PRKAG2: variants seen among roughly 807,000 people sequenced by gnomAD.
The protein encoded by PRKAG2 is protein kinase AMP-activated non-catalytic subunit gamma 2, also known as 5'-AMP-activated protein kinase subunit gamma-2.
A neutral mutation model predicts 69.6 loss-of-function variants in PRKAG2; 26 were observed. The observed-to-expected ratio is 0.37, with a 90% CI of 0.27 to 0.52. PRKAG2 has a LOEUF of 0.52. PRKAG2 is among the 20% of genes least tolerant of loss of function. The pLI is 0.90. For synonymous variants in PRKAG2, 293 were observed against 285.0 expected, an observed-to-expected ratio of 1.03 and a Z score of -0.28; for missense variants, 557 against 740.0, an observed-to-expected ratio of 0.75 and a Z score of 2.87.
At chr7:151,633,421 A>T (rs1433636512) in intron 4 of PRKAG2, among the ~76,000 whole-genome samples, 1 of 152,116 alleles carries the variant, frequency 6.6e-6, no homozygotes, top group Non-Finnish European at 1.5e-5. Context: ...GCAATAAGGC[A>T]AGAAAAGGAA....
In PRKAG2 at chr7:151,714,097, CACTT is replaced by C. The variant is rs201873961; in HGVS notation, c.467-38464_467-38461del. On this transcript the variant is annotated intron_variant, in intron 3 of 15. Transcript: ENST00000287878. The stretch of plus-strand genomic sequence containing the variant: ...ACTCGGGCTGGGGTCCCAGCCCTGC[CACTT>C]ACTAGCTAGGTAGCTGAACAGGTGA... Among the ~76,000 whole-genome samples, 1,393 of 152,250 alleles carry C rather than the reference CACTT, an allele frequency of 9.1e-3. 22 individuals are homozygous for C. Among genetic ancestry groups the C allele is most frequent in the African/African-American group, 0.032 (1,340 of 41,540 alleles).
chr7:151,664,261 TG>T (rs1393029963), intron 4 of PRKAG2, among the ~76,000 whole-genome samples: 1 of 152,180 alleles, frequency 6.6e-6, no homozygotes, highest in Non-Finnish European at 1.5e-5. Flanking sequence ...ATTGAGCCTT[TG>T]GGGGAGTAAC....
chr7:151,769,650 G>A, intron 3 of PRKAG2, among the ~76,000 whole-genome samples: 1 of 152,228 alleles, frequency 6.6e-6, no homozygotes, highest in Non-Finnish European at 1.5e-5. Flanking sequence ...AGGAATCCGG[G>A]CAGCTTAGGC....
At chr7:151,733,879 A>G (rs955711353) in intron 3 of PRKAG2, among the ~76,000 whole-genome samples, 6 of 151,842 alleles carry the variant, frequency 4.0e-5, no homozygotes, top group Non-Finnish European at 8.8e-5. Context: ...ATTTTTTTGT[A>G]GAGAGGGGTC....
rs80143461 is a variant in PRKAG2 at position 151,559,587 on chromosome 7, C to T, written c.1678+937G>A. On this transcript the variant is annotated intron_variant, in intron 15 of 15. Transcript: ENST00000287878. ...AATTTCTCTTGGTGTTCTCATTTAGCGAATAAGACATGTTTCTTGCAGGTG... is the reference window on the plus strand; with the variant it reads ...AATTTCTCTTGGTGTTCTCATTTAGTGAATAAGACATGTTTCTTGCAGGTG... 5.6e-4 allele frequency: 549 copies of T among 985,210 alleles called. 9 individuals carry two copies. The African/African-American group carries it at 8.6e-3, about 15-fold the overall frequency. The allele number at this position is 985,210 out of a possible 1,614,324, so 61.0% of individuals were successfully genotyped here.
chr7:151,747,727 C>T (rs2074382523), intron 3 of PRKAG2, among the ~76,000 whole-genome samples: 1 of 152,044 alleles, frequency 6.6e-6, no homozygotes, highest in Non-Finnish European at 1.5e-5. Flanking sequence ...AAAAACAAAA[C>T]AAAACAAAAC....
intron 5 of PRKAG2, among the ~76,000 whole-genome samples, chr7:151,620,039 T>A (rs1219090437): frequency 6.6e-6 from 1 of 151,768 alleles, no homozygotes; most frequent in Admixed American, 6.6e-5. Context: ...AAAATAAAAA[T>A]AAAAATAAAA....
At chr7:151,779,781 C>A (rs532962812) in intron 3 of PRKAG2, among the ~76,000 whole-genome samples, 1 of 152,220 alleles carries the variant, frequency 6.6e-6, no homozygotes, top group Non-Finnish European at 1.5e-5. Context: ...GCGCACACAT[C>A]CTCCTTCTCT....
At chr7:151,600,927 T>C (rs1815902628) in intron 5 of PRKAG2, among the ~76,000 whole-genome samples, 1 of 152,250 alleles carries the variant, frequency 6.6e-6, no homozygotes, top group East Asian at 1.9e-4. Context: ...ATTTTTTCAT[T>C]TTACCTCTGA....
chr7:151,813,394 C>G, intron 1 of PRKAG2, among the ~76,000 whole-genome samples: 1 of 151,780 alleles, frequency 6.6e-6, no homozygotes, highest in South Asian at 2.1e-4. Context: ...GGGGGTCAAG[C>G]GACCCCCAGG....
At chr7:151,865,564 C>T (rs73160060) in intron 1 of PRKAG2, among the ~76,000 whole-genome samples, 11 of 152,160 alleles carry the variant, frequency 7.2e-5, no homozygotes, top group Admixed American at 2.6e-4. Context: ...CAACAGGCTG[C>T]GGTCAATACT....
intron 5 of PRKAG2, chr7:151,631,825 G>C: frequency 2.0e-6 from 1 of 500,690 alleles, no homozygotes; most frequent in Non-Finnish European, 3.9e-6. Flanking sequence ...TGTGGATGCC[G>C]GGCTCAGGGC....
intron 5 of PRKAG2, among the ~76,000 whole-genome samples, chr7:151,605,936 CA>C (rs560080587): frequency 0.024 from 2,224 of 90,982 alleles, 28 homozygotes; most frequent in African/African-American, 0.078. Flanking sequence ...GACTCCGTCT[CA>C]AAAAAAAAAA....
intron 1 of PRKAG2, among the ~76,000 whole-genome samples, chr7:151,837,079 C>T (rs1289756251): frequency 1.3e-5 from 2 of 152,190 alleles, no homozygotes; most frequent in Non-Finnish European, 2.9e-5. Flanking sequence ...CGTGCACAGC[C>T]GTCTTCACAT....
chr7:151,585,059 A>G (rs1811319085), intron 6 of PRKAG2, among the ~76,000 whole-genome samples: 1 of 152,198 alleles, frequency 6.6e-6, no homozygotes, highest in East Asian at 1.9e-4. Context: ...GTAGAAAGCG[A>G]GAGCCACAAA....
intron 4 of PRKAG2, among the ~76,000 whole-genome samples, chr7:151,670,148 A>G (rs1831775940): frequency 6.6e-6 from 1 of 152,068 alleles, no homozygotes; most frequent in South Asian, 2.1e-4. Context: ...ACCTGTGCAC[A>G]CACCTGCATG....
chr7:151,681,844 T>C (rs1833934188), intron 3 of PRKAG2, among the ~76,000 whole-genome samples: 1 of 151,774 alleles, frequency 6.6e-6, no homozygotes, highest in East Asian at 1.9e-4. Flanking sequence ...TTTAGCTGTA[T>C]GAATTACTCT....
At position 151,807,969 on chromosome 7, in the gene PRKAG2, C is replaced by T. The variant is rs192317419; in HGVS notation, c.115-21428G>A. On this transcript the variant is annotated intron_variant, in intron 1 of 15. Coordinates refer to ENST00000287878, the MANE Select transcript of PRKAG2 (RefSeq NM_016203.4). The surrounding 1 kb of genome is among the most constrained non-coding windows in gnomAD (Gnocchi z 4.4). ...AAGGAAGAGGCTAAAGGCATAGTTT[C>T]GTAACCCCTCCCTACAAACTACCCC... Among the ~76,000 whole-genome samples the T allele has an allele frequency of 9.3e-4, 142 of 152,272 alleles. 1 individual carries two copies. The highest frequency in any genetic ancestry group is 3.3e-3 in the African/African-American group (139 of 41,548).
chr7:151,802,412 C>T (rs1311653432), intron 1 of PRKAG2, among the ~76,000 whole-genome samples: 4 of 152,118 alleles, frequency 2.6e-5, no homozygotes, highest in East Asian at 3.9e-4. Flanking sequence ...AGGGTGCCAA[C>T]GTTTCCCAAA....
Sources: allele counts gnomAD v4.1 joint callset (sites outside exome capture counted in the v4.1 genomes callset), GRCh38; gene constraint gnomAD v4.1.1; non-coding constraint Gnocchi (gnomAD v3.1); transcripts MANE v1.5; gene names NCBI Gene and HGNC (gene_info 2026-07-23, HGNC 2026-07-21).